OXNAD1: variants seen among roughly 807,000 people sequenced by gnomAD.
The protein encoded by OXNAD1 is oxidoreductase NAD-binding domain-containing protein 1.
Under a neutral mutation model 32.9 loss-of-function variants are expected in OXNAD1, and 34 were observed. That is an observed-to-expected ratio of 1.03 (90% CI 0.79 to 1.38). The LOEUF (loss-of-function observed/expected upper bound fraction) is 1.38, where lower values mean the gene tolerates loss of function less well. OXNAD1 is among the 40% of genes most tolerant of loss of function. OXNAD1 has a pLI of 0.00. For missense variants in OXNAD1, 407 were observed against 379.4 expected (o/e 1.07, Z -0.60); for synonymous variants, 134 against 135.2 (o/e 0.99, Z 0.06).
chr3:16,345,725 A>G lies in OXNAD1; in HGVS notation c.*31-3451A>G, dbSNP rs1437200216. 1.3e-5 allele frequency among the ~76,000 whole-genome samples: 2 copies of G among 152,024 alleles called. No individual in the cohort carries two copies. The highest frequency in any genetic ancestry group is 2.9e-5 in the Non-Finnish European group (2 of 68,016). On this transcript the variant is annotated intron_variant, in intron 9 of 9. Transcript: ENST00000606098. This position sits in a 1 kb window ranked among gnomAD's most constrained non-coding sequence, Gnocchi z 5.2. ...GCTTTCCTGGGTCTCCAGCTTGCAG[A>G]TAGCAGACTGTGGGACTCCTCAGCC...
chr3:16,347,711 G>C (rs1427697454), intron 9 of OXNAD1: 1 of 152,260 alleles, frequency 6.6e-6, no homozygotes, highest in African/African-American at 2.4e-5. Context: ...TCAGAGGAGA[G>C]AGGAGGATTC....
At position 16,303,637 on chromosome 3, in the gene OXNAD1, AT is replaced by A. The variant is rs377625221; in HGVS notation, c.*83del. On this transcript the variant is annotated 3_prime_UTR_variant, in exon 9 of 9. Transcript: ENST00000285083. The surrounding 1 kb of genome is among the most constrained non-coding windows in gnomAD (Gnocchi z 4.8). ...GCTCCTGTCCTTTGTGGCATGATTA[AT>A]TTTTTTTATCTCTACTTGAGTTGTC... The A allele has an allele frequency of 1.4e-4, 205 of 1,457,072 alleles. No homozygotes were observed. Among genetic ancestry groups the A allele is most frequent in the African/African-American group, 7.2e-5 (5 of 69,224 alleles). 90.3% of individuals were successfully genotyped at this position (1,457,072 alleles called of 1,614,324 possible).
chr3:16,269,388 T>C (rs562440146), intron 2 of OXNAD1, 113 bp downstream of exon 2: 1 of 1,138,900 alleles, frequency 8.8e-7, no homozygotes, highest in African/African-American at 1.6e-5. Context: ...GGCCTTCTGC[T>C]TTTTTCATTT....
rs1181644090 is a variant in OXNAD1, at chr3:16,312,539, C to CCTAGCAGGACAG, written c.*30+8948_*30+8959dup. On this transcript the variant is annotated intron_variant, in intron 9 of 9. Coordinates refer to the OXNAD1 transcript ENST00000435829. This position sits in a 1 kb window ranked among gnomAD's most constrained non-coding sequence, Gnocchi z 4.7. ...TCTTCAATCTTAGGCTGCTGTGAGC[C>CCTAGCAGGACAG]CTAGCAGGACAGAGCCCAGACTGTG... 7.9e-5 allele frequency among the ~76,000 whole-genome samples: 12 copies of CCTAGCAGGACAG among 152,322 alleles called. No homozygotes were observed. The East Asian group carries it at 2.3e-3, about 29-fold the overall frequency.
chr3:16,336,165 G>A lies in OXNAD1; in HGVS notation c.*31-947G>A, dbSNP rs546042914. On this transcript the variant is annotated intron_variant, in intron 9 of 9. Transcript: ENST00000435829. The surrounding 1 kb of genome is among the most constrained non-coding windows in gnomAD (Gnocchi z 6.0). The stretch of plus-strand genomic sequence containing the variant: ...AAGTGGAAGGCAGATGCTGGAACAC[G>A]GCGGGCAGTGTTGCAGAAAACTCCA... 2.6e-5 allele frequency among the ~76,000 whole-genome samples: 4 copies of A among 152,352 alleles called. No individual in the cohort carries two copies. The highest frequency in any genetic ancestry group is 4.1e-4 in the South Asian group (2 of 4,826).
At chr3:16,341,730 A>G (rs572870505), downstream of OXNAD1, among the ~76,000 whole-genome samples, 18 of 152,364 alleles carry the variant, frequency 1.2e-4, no homozygotes, top group South Asian at 3.5e-3. The surrounding 1 kb of genome is among the most constrained non-coding windows in gnomAD (Gnocchi z 4.7). Context: ...AACTAATTAA[A>G]TAAATTAAAA....
In OXNAD1 at chr3:16,348,658, T is replaced by A. The variant is rs573557636; in HGVS notation, c.*31-518T>A. Reference sequence around the variant, plus strand: ...GGGCCTCAGCAAATGCCCCTTTGCATCCTTGTTCCTGGGCATCAAAAAGTA... The same window carrying A: ...GGGCCTCAGCAAATGCCCCTTTGCAACCTTGTTCCTGGGCATCAAAAAGTA... On this transcript the variant is annotated intron_variant, in intron 9 of 9. Coordinates refer to the OXNAD1 transcript ENST00000606098. This position sits in a 1 kb window ranked among gnomAD's most constrained non-coding sequence, Gnocchi z 6.3. 6.6e-6 allele frequency among the ~76,000 whole-genome samples: 1 copy of A among 152,324 alleles called. No homozygotes were observed. The highest frequency in any genetic ancestry group is 1.5e-5 in the Non-Finnish European group (1 of 68,022).
chr3:16,335,742 A>G lies in OXNAD1; in HGVS notation c.*31-1370A>G. Among the ~76,000 whole-genome samples, 1 of 151,942 alleles carries G rather than the reference A, an allele frequency of 6.6e-6. No individual in the cohort carries two copies. The highest frequency in any genetic ancestry group is 1.5e-5 in the Non-Finnish European group (1 of 67,990). ...ATGGCACACGTTTACCTATGTAACA[A>G]GCCTGCATATCCTGCACTTGCACCC... On this transcript the variant is annotated intron_variant, in intron 9 of 9. Transcript: ENST00000435829. The surrounding 1 kb of genome is among the most constrained non-coding windows in gnomAD (Gnocchi z 4.7).
In OXNAD1 at chr3:16,344,318, G is replaced by A. The variant is rs1342989230; in HGVS notation, c.*31-4858G>A. ...TCAAAAAAGAAAGTGGATTAGATCA[G>A]TAATTTTCAAGGTTTTTTTTTTTTA... On this transcript the variant is annotated intron_variant, in intron 9 of 9. Transcript: ENST00000606098. The surrounding 1 kb of genome is among the most constrained non-coding windows in gnomAD (Gnocchi z 4.4). Among the ~76,000 whole-genome samples the A allele has an allele frequency of 6.8e-6, 1 of 147,458 alleles. No individual in the cohort carries two copies. The highest frequency in any genetic ancestry group is 2.5e-5 in the African/African-American group (1 of 39,744).
At chr3:16,281,155 T>A (rs1182634515) in intron 4 of OXNAD1, among the ~76,000 whole-genome samples, 1 of 152,248 alleles carries the variant, frequency 6.6e-6, no homozygotes, top group African/African-American at 2.4e-5. Flanking sequence ...TTCGTTGATG[T>A]TTTTAATCCA....
chr3:16,307,939 C>A (rs1408264788), downstream of OXNAD1, among the ~76,000 whole-genome samples: 1 of 152,110 alleles, frequency 6.6e-6, no homozygotes, highest in Non-Finnish European at 1.5e-5. Flanking sequence ...AGTGAAATAA[C>A]AGCCTGATTG....
At chr3:16,285,259 T>A (rs1488393561) in intron 4 of OXNAD1, among the ~76,000 whole-genome samples, 2 of 152,174 alleles carry the variant, frequency 1.3e-5, no homozygotes, top group Non-Finnish European at 2.9e-5. Context: ...TTTGATGAGA[T>A]TTAGTAGTCC....
rs1385867318 is a variant in OXNAD1, at chr3:16,327,612, T to A, written c.*31-9500T>A. Among the ~76,000 whole-genome samples the A allele has an allele frequency of 5.9e-5, 9 of 151,876 alleles. No individual in the cohort carries two copies. On this transcript the variant is annotated intron_variant, in intron 9 of 9. Coordinates refer to the OXNAD1 transcript ENST00000435829. This position sits in a 1 kb window ranked among gnomAD's most constrained non-coding sequence, Gnocchi z 4.2. ...GTCTCTACTAAAAATACAAAAAAAA[T>A]TAGCCAGGCCTGGTGGCGGGCGCCT... is the stretch of plus-strand genomic sequence containing the variant.
At chr3:16,332,980 C>T (rs534506485) in intron 9 of OXNAD1, among the ~76,000 whole-genome samples, 5 of 152,234 alleles carry the variant, frequency 3.3e-5, no homozygotes, top group South Asian at 2.1e-4. Flanking sequence ...AGCATCTGGT[C>T]GCAACAGTTT....
At chr3:16,313,532 G>GATTA (rs1193003964) in intron 9 of OXNAD1, 1 of 152,138 alleles carries the variant, frequency 6.6e-6, no homozygotes, top group East Asian at 1.9e-4. Context: ...CTGCCACATT[G>GATTA]ATTACCTATC....
At position 16,268,605 on chromosome 3, in the gene OXNAD1, A is replaced by G. The variant is rs934116282; in HGVS notation, c.-158-521A>G. ...CTCATCCTCCCAAAGTGCTGGGATT[A>G]CAGATATGAGCCACTGTGCCCGGGA... On this transcript the variant is annotated intron_variant, in intron 1 of 8. Coordinates refer to ENST00000285083, the MANE Select transcript of OXNAD1 (RefSeq NM_138381.5). 6.8e-4 allele frequency among the ~76,000 whole-genome samples: 104 copies of G among 152,210 alleles called. 1 individual carries two copies. The highest frequency in any genetic ancestry group is 2.6e-4 in the Non-Finnish European group (18 of 68,012).
Position 16,345,848 on chromosome 3 carries a change from G to GCA in OXNAD1, c.*31-3327_*31-3326dup, listed in dbSNP as rs1559843903. On this transcript the variant is annotated intron_variant, in intron 9 of 9. Coordinates refer to the OXNAD1 transcript ENST00000606098. The surrounding 1 kb of genome is among the most constrained non-coding windows in gnomAD (Gnocchi z 5.2). ...CGCGCGTGCGCGCACGCGCACATGTGCATGTGTATGTGTATAATCTCCTAC... is the reference window on the plus strand; with the variant it reads ...CGCGCGTGCGCGCACGCGCACATGTGCACATGTGTATGTGTATAATCTCCTAC... Among the ~76,000 whole-genome samples the GCA allele has an allele frequency of 7.2e-5, 6 of 83,202 alleles. No individual in the cohort carries two copies. The highest frequency in any genetic ancestry group is 3.5e-4 in the East Asian group (1 of 2,880). 54.6% of individuals were successfully genotyped at this position (83,202 alleles called of 152,430 possible). A position where few individuals can be genotyped will look rare whatever the true frequency, so the allele number is the denominator to read the frequency against.
At position 16,303,543 on chromosome 3, in the gene OXNAD1, G is replaced by A. The variant is rs1363549840; in HGVS notation, c.920G>A (p.Cys307Tyr). ...ENNHVPKEHI[C>Y]FEKWW ...AACCATGTACCCAAAGAACACATTT[G>A]CTTTGAGAAGTGGTGGTAGGAGGCA... The change falls in exon 9 of 9, where the codon TGC (cysteine) becomes TAC (tyrosine). Residue 307 changes from cysteine to tyrosine, a missense_variant. Physicochemically the swap from Cys to Tyr is radical, Grantham distance 194. Transcript: ENST00000285083. This position sits in a 1 kb window ranked among gnomAD's most constrained non-coding sequence, Gnocchi z 4.8. 10 of 1,613,922 alleles carry A rather than the reference G, an allele frequency of 6.2e-6. 1 individual carries two copies. The highest frequency in any genetic ancestry group is 5.9e-6 in the Non-Finnish European group (7 of 1,179,900).
rs1230052323 is a variant in OXNAD1 at position 16,345,517 on chromosome 3, C to G, written c.*31-3659C>G. Among the ~76,000 whole-genome samples, 3 of 152,032 alleles carry G rather than the reference C, an allele frequency of 2.0e-5. No individual in the cohort carries two copies. Among genetic ancestry groups the G allele is most frequent in the Non-Finnish European group, 4.4e-5 (3 of 68,006 alleles). On this transcript the variant is annotated intron_variant, in intron 9 of 9. Coordinates refer to the OXNAD1 transcript ENST00000606098. This position sits in a 1 kb window ranked among gnomAD's most constrained non-coding sequence, Gnocchi z 5.2. ...GGCCCTCCCCAGTGTGGGTGGACAC[C>G]ATCCAGTCATTGAGGACCTGAACAG...
Sources: gnomAD v4.1 joint callset for allele counts (sites outside exome capture counted in the v4.1 genomes callset) on GRCh38, gnomAD v4.1.1 for gene constraint, Gnocchi (gnomAD v3.1) non-coding constraint, MANE v1.5 for transcripts, NCBI Gene and HGNC (gene_info 2026-07-23, HGNC 2026-07-21) for gene names.